The following HCRTR2 variants were observed in gnomAD, a reference collection of about 807,000 sequenced individuals.
HCRTR2 encodes the protein orexin receptor type 2.
Under a neutral mutation model 49.0 loss-of-function variants are expected in HCRTR2, and 22 were observed. That is an observed-to-expected ratio of 0.45 (90% CI 0.32 to 0.64). The LOEUF is 0.64. Ranked by LOEUF, HCRTR2 falls within the 30% of genes least tolerant of loss-of-function variation. HCRTR2 has a pLI of 0.04. For missense variants in HCRTR2, 491 were observed against 559.4 expected (o/e 0.88, Z 1.23); for synonymous variants, 236 against 205.3 (o/e 1.15, Z -1.28).
chr6:55,279,071 T>G (rs949279186), intron 5 of HCRTR2, among the ~76,000 whole-genome samples: 1 of 152,058 alleles, frequency 6.6e-6, no homozygotes, highest in African/African-American at 2.4e-5. Flanking sequence ...CAAATAACTT[T>G]CAAAGGAGCA....
chr6:55,144,892 C>G (rs531463630), intron 1 of HCRTR2, among the ~76,000 whole-genome samples: 48 of 152,148 alleles, frequency 3.2e-4, no homozygotes, highest in Non-Finnish European at 5.7e-4. Context: ...AAGAGTTATT[C>G]TAAGATCTTC....
intron 1 of HCRTR2, among the ~76,000 whole-genome samples, chr6:55,168,247 G>C (rs1488064968): frequency 6.6e-6 from 1 of 152,104 alleles, no homozygotes; most frequent in Non-Finnish European, 1.5e-5. Context: ...ATCCTGAAGA[G>C]TATAACAAGT....
chr6:55,277,162 T>C (rs894834033), intron 4 of HCRTR2, among the ~76,000 whole-genome samples: 1 of 152,162 alleles, frequency 6.6e-6, no homozygotes, highest in African/African-American at 2.4e-5. Context: ...AATTTTGATG[T>C]TTTAACTTTT....
chr6:55,120,146 C>A (rs1485081178), intron 1 of HCRTR2, among the ~76,000 whole-genome samples: 1 of 152,050 alleles, frequency 6.6e-6, no homozygotes, highest in Non-Finnish European at 1.5e-5. Flanking sequence ...GTTTTGGTAC[C>A]AGTACCATGC....
intron 1 of HCRTR2, among the ~76,000 whole-genome samples, chr6:55,124,008 T>G (rs1764239765): frequency 6.6e-6 from 1 of 152,188 alleles, no homozygotes; most frequent in Non-Finnish European, 1.5e-5. Context: ...ATTTGATTCT[T>G]CTCTCTTTTC....
intron 4 of HCRTR2, 152 bp downstream of exon 4, chr6:55,263,974 A>C (rs1766817561): frequency 3.0e-6 from 2 of 667,420 alleles, no homozygotes; most frequent in East Asian, 5.5e-5. Flanking sequence ...CATGTTCATA[A>C]AAGTATTATA....
intron 1 of HCRTR2, among the ~76,000 whole-genome samples, chr6:55,188,263 G>T (rs1218428405): frequency 2.0e-5 from 3 of 152,224 alleles, no homozygotes; most frequent in Non-Finnish European, 4.4e-5. Flanking sequence ...CAATGCCTCA[G>T]TGATCTGTAA....
intron 1 of HCRTR2, among the ~76,000 whole-genome samples, chr6:55,207,749 C>T (rs895634518): frequency 1.3e-5 from 2 of 152,164 alleles, no homozygotes; most frequent in African/African-American, 4.8e-5. Flanking sequence ...GGTGGAAGGT[C>T]AGTCAAGGTG....
At chr6:55,173,688 A>G (rs951588519), upstream of HCRTR2, among the ~76,000 whole-genome samples, 1 of 152,206 alleles carries the variant, frequency 6.6e-6, no homozygotes, top group Admixed American at 6.5e-5. Flanking sequence ...GCTTGACAAC[A>G]TTAACTATGA....
chr6:55,138,258 G>T (rs1457841340), intron 1 of HCRTR2, among the ~76,000 whole-genome samples: 5 of 152,114 alleles, frequency 3.3e-5, no homozygotes, highest in Non-Finnish European at 1.5e-5. Flanking sequence ...CATTTCATAT[G>T]ATCAGTGTGA....
chr6:55,134,982 T>C (rs972856511), intron 1 of HCRTR2, among the ~76,000 whole-genome samples: 1 of 152,056 alleles, frequency 6.6e-6, no homozygotes, highest in South Asian at 2.1e-4. Context: ...GAAATCTATA[T>C]CCTTGGAAGG....
chr6:55,169,022 T>C (rs1176730479), intron 1 of HCRTR2, among the ~76,000 whole-genome samples: 4 of 151,800 alleles, frequency 2.6e-5, no homozygotes, highest in Admixed American at 1.3e-4. Flanking sequence ...GTCTTTTCCA[T>C]ATGGTTTCAT....
intron 1 of HCRTR2, among the ~76,000 whole-genome samples, chr6:55,110,814 T>A (rs943953144): frequency 6.6e-6 from 1 of 150,700 alleles, no homozygotes; most frequent in African/African-American, 2.4e-5. Context: ...ACTAGACAGG[T>A]CATAAAGATG....
chr6:55,221,446 G>A (rs1765889150), intron 1 of HCRTR2, among the ~76,000 whole-genome samples: 1 of 152,076 alleles, frequency 6.6e-6, no homozygotes, highest in African/African-American at 2.4e-5. Context: ...AATTGTGTTG[G>A]GAAAACTAGA....
At chr6:55,284,099 A>T (rs1767242278), downstream of HCRTR2, among the ~76,000 whole-genome samples, 1 of 152,174 alleles carries the variant, frequency 6.6e-6, no homozygotes, top group African/African-American at 2.4e-5. Context: ...CACTTTAAAA[A>T]GTTTGAGGAT....
chr6:55,179,787 A>T (rs1377612115), intron 1 of HCRTR2, among the ~76,000 whole-genome samples: 2 of 152,108 alleles, frequency 1.3e-5, no homozygotes, highest in Non-Finnish European at 2.9e-5. Flanking sequence ...ATTTATATTA[A>T]TTTTCCTTAT....
chr6:55,258,315 A>G (rs1766690845), intron 3 of HCRTR2, among the ~76,000 whole-genome samples: 2 of 152,272 alleles, frequency 1.3e-5, no homozygotes, highest in African/African-American at 4.8e-5. Flanking sequence ...TAATTATCCT[A>G]CAACCAATGT....
At position 55,197,231 on chromosome 6, in the gene HCRTR2, T is replaced by C. The variant is rs145375759; in HGVS notation, c.223+22421T>C. 2.6e-3 allele frequency among the ~76,000 whole-genome samples: 400 copies of C among 152,180 alleles called. 1 individual carries two copies. The highest frequency in any genetic ancestry group is 9.2e-3 in the African/African-American group (380 of 41,522). ...ACCTAACATTAACCACAAACCTACT[T>C]CTAACTCTAATCCTAACCATAACCT... On this transcript the variant is annotated intron_variant, in intron 1 of 6. Transcript: ENST00000370862.
At chr6:55,269,175 G>A (rs1766923325) in intron 4 of HCRTR2, among the ~76,000 whole-genome samples, 1 of 151,632 alleles carries the variant, frequency 6.6e-6, no homozygotes, top group Non-Finnish European at 1.5e-5. Flanking sequence ...TGAAACCACT[G>A]GGCTTAACAG....
Sources: gnomAD v4.1 joint callset for allele counts (sites outside exome capture counted in the v4.1 genomes callset) on GRCh38, gnomAD v4.1.1 for gene constraint, MANE v1.5 for transcripts, NCBI Gene and HGNC (gene_info 2026-07-23, HGNC 2026-07-21) for gene names.